Variants in RAP1GDS1 observed in about 807,000 individuals in gnomAD.
RAP1GDS1 encodes Rap1 GTPase-GDP dissociation stimulator 1.
A neutral mutation model predicts 71.1 loss-of-function variants in RAP1GDS1; 35 were observed. That is an observed-to-expected ratio of 0.49 (90% CI 0.38 to 0.65). The LOEUF (loss-of-function observed/expected upper bound fraction) is 0.65, where lower values mean the gene tolerates loss of function less well. Among genes scored for constraint, RAP1GDS1 ranks in the 30% least tolerant of loss-of-function variants. RAP1GDS1 has a pLI of 0.00. For synonymous variants in RAP1GDS1, 229 were observed against 243.1 expected (o/e 0.94, Z 0.54); for missense variants, 663 against 706.1 (o/e 0.94, Z 0.69).
intron 2 of RAP1GDS1, among the ~76,000 whole-genome samples, chr4:98,293,956 T>A (rs1375936888): frequency 2.6e-5 from 4 of 152,146 alleles, no homozygotes; most frequent in African/African-American, 9.6e-5. Context: ...TATTTTAAAA[T>A]AATTGTACCT....
intron 4 of RAP1GDS1, among the ~76,000 whole-genome samples, chr4:98,355,361 C>A (rs1737804131): frequency 6.6e-6 from 1 of 152,102 alleles, no homozygotes; most frequent in Admixed American, 6.5e-5. Flanking sequence ...ATCTAACTTA[C>A]CTATGGGGCT....
In RAP1GDS1 at chr4:98,404,512, G is replaced by A. The variant is rs1313793051; in HGVS notation, c.673G>A (p.Ala225Thr). The A allele has an allele frequency of 1.9e-6, 3 of 1,608,218 alleles. No homozygotes were observed. The highest frequency in any genetic ancestry group is 2.2e-5 in the South Asian group (2 of 89,812). Reference sequence around the variant, plus strand: ...AGAACAGTTTGCCAGTACAAACATTGCTGAAGAGCTAGTAAAACTCTTCAA... The same window carrying A: ...AGAACAGTTTGCCAGTACAAACATTACTGAAGAGCTAGTAAAACTCTTCAA... ...SKEQFASTNIAEELVKLFKKQ... is the reference protein window; with the variant it reads ...SKEQFASTNITEELVKLFKKQ... The change falls in exon 7 of 15, where the codon GCT (alanine) becomes ACT (threonine). Residue 225 changes from alanine (A) to threonine (T), a missense_variant. Ala to Thr is a moderately conservative substitution (Grantham distance 58, BLOSUM62 0). Coordinates refer to ENST00000408927, the MANE Select transcript of RAP1GDS1 (RefSeq NM_001100427.2).
At chr4:98,280,903 A>G (rs2110251546) in intron 1 of RAP1GDS1, among the ~76,000 whole-genome samples, 1 of 152,264 alleles carries the variant, frequency 6.6e-6, no homozygotes, top group Non-Finnish European at 1.5e-5. Context: ...GAGGTTTGTC[A>G]AAGATCAGAT....
rs1462426706 is a variant in RAP1GDS1, at chr4:98,343,215, C to G, written c.189C>G (p.Ser63=). 2 of 1,605,746 alleles carry G rather than the reference C, an allele frequency of 1.2e-6. No homozygotes were observed. The highest frequency in any genetic ancestry group is 8.5e-7 in the Non-Finnish European group (1 of 1,172,574). ...CAAGTCTGTTGACTCCACAGTCTTC[C>G]TGCAAAGCCAAAGTAGCTAACATCA... ...LFASLLTPQS[S]CKAKVANIIA... is the part of the protein sequence containing the mutation. Residue 63 remains serine (S), a synonymous_variant, in exon 3 of 15, where the codon TCC becomes TCG. Transcript: ENST00000408927.
At chr4:98,357,606 A>G (rs954923791) in intron 4 of RAP1GDS1, among the ~76,000 whole-genome samples, 1 of 151,934 alleles carries the variant, frequency 6.6e-6, no homozygotes, top group African/African-American at 2.4e-5. Flanking sequence ...AAGGAACACA[A>G]CCTGAGGACA....
chr4:98,349,346 A>G (rs910790097), intron 3 of RAP1GDS1, among the ~76,000 whole-genome samples: 1 of 152,204 alleles, frequency 6.6e-6, no homozygotes, highest in Admixed American at 6.5e-5. Flanking sequence ...TGGTACCAGT[A>G]CCATGCTGTT....
chr4:98,415,498 C>T (rs1306283153), intron 7 of RAP1GDS1, among the ~76,000 whole-genome samples: 13 of 152,168 alleles, frequency 8.5e-5, no homozygotes, highest in African/African-American at 2.9e-4. Flanking sequence ...TTTTCTGCCA[C>T]GGTGCCAGCC....
At chr4:98,339,614 A>AACCCCTGACTACTCCTT (rs1735193077) in intron 2 of RAP1GDS1, among the ~76,000 whole-genome samples, 1 of 152,088 alleles carries the variant, frequency 6.6e-6, no homozygotes, top group African/African-American at 2.4e-5. Context: ...TGGAATCATC[A>AACCCCTGACTACTCCTT]ACCCCTGACT....
chr4:98,371,479 T>A (rs1293838477), intron 4 of RAP1GDS1, among the ~76,000 whole-genome samples: 2 of 151,970 alleles, frequency 1.3e-5, no homozygotes, highest in Non-Finnish European at 2.9e-5. Flanking sequence ...TGCTTATTTT[T>A]TATGTTTTAT....
chr4:98,355,869 G>A (rs1159430563), intron 4 of RAP1GDS1, among the ~76,000 whole-genome samples: 2 of 152,100 alleles, frequency 1.3e-5, no homozygotes, highest in Admixed American at 6.6e-5. Flanking sequence ...CTTTGTTGCT[G>A]ATGAACTTTT....
chr4:98,385,304 G>C (rs1293285795), intron 5 of RAP1GDS1, among the ~76,000 whole-genome samples: 1 of 151,642 alleles, frequency 6.6e-6, no homozygotes, highest in African/African-American at 2.4e-5. Flanking sequence ...TGAAAGACCA[G>C]GTCTTTACTG....
At chr4:98,343,024 GA>G (rs1459479004) in intron 2 of RAP1GDS1, 114 bp from the exon 3 acceptor site, 1 of 1,141,602 alleles carries the variant, frequency 8.8e-7, no homozygotes, top group African/African-American at 1.6e-5. Flanking sequence ...AATGTATACC[GA>G]AACTAATTTC....
intron 1 of RAP1GDS1, among the ~76,000 whole-genome samples, chr4:98,282,968 C>G (rs1725386235): frequency 6.6e-6 from 1 of 152,018 alleles, no homozygotes; most frequent in Non-Finnish European, 1.5e-5. Context: ...AATTTGATTG[C>G]ACTGTGGTCT....
intron 2 of RAP1GDS1, among the ~76,000 whole-genome samples, chr4:98,310,762 C>T (rs7655622): frequency 0.045 from 6,869 of 151,674 alleles, 324 homozygotes; most frequent in African/African-American, 0.12. Context: ...AGCACTTGAA[C>T]GGCAAAGTTG....
At chr4:98,406,520 C>T (rs890631857) in intron 7 of RAP1GDS1, among the ~76,000 whole-genome samples, 5 of 151,792 alleles carry the variant, frequency 3.3e-5, no homozygotes, top group African/African-American at 4.8e-5. Flanking sequence ...CCAAAACATA[C>T]GGAGCAAAAA....
chr4:98,423,151 G>A (rs1749121124), intron 12 of RAP1GDS1, among the ~76,000 whole-genome samples: 1 of 152,204 alleles, frequency 6.6e-6, no homozygotes, highest in Admixed American at 6.5e-5. Context: ...TGTAACAGAG[G>A]AAAGAAAGAC....
chr4:98,350,548 A>C (rs1183768783), intron 3 of RAP1GDS1, among the ~76,000 whole-genome samples: 1 of 152,136 alleles, frequency 6.6e-6, no homozygotes, highest in Non-Finnish European at 1.5e-5. Context: ...CTATAAAAAA[A>C]TAAAAAATTG....
At chr4:98,263,726 C>A (rs1193208272) in intron 1 of RAP1GDS1, among the ~76,000 whole-genome samples, 1 of 152,104 alleles carries the variant, frequency 6.6e-6, no homozygotes, top group Non-Finnish European at 1.5e-5. Flanking sequence ...GAACTTAAAG[C>A]CACCTATTAT....
intron 12 of RAP1GDS1, 113 bp from the exon 13 acceptor site, chr4:98,433,823 G>A: frequency 1.1e-6 from 1 of 926,660 alleles, no homozygotes; most frequent in African/African-American, 1.7e-5. Context: ...TAAATCAAAT[G>A]ATTCATACAG....
Sources: gnomAD v4.1 joint callset for allele counts (sites outside exome capture counted in the v4.1 genomes callset) on GRCh38, gnomAD v4.1.1 for gene constraint, MANE v1.5 for transcripts, NCBI Gene and HGNC (gene_info 2026-07-23, HGNC 2026-07-21) for gene names.